The following EPB41 variants were observed in gnomAD, a reference collection of about 807,000 sequenced individuals.
The protein encoded by EPB41 is erythrocyte membrane protein band 4.1.
A neutral mutation model predicts 108.0 loss-of-function variants in EPB41; 65 were observed. The ratio of observed to expected loss-of-function variants is 0.60; its 90% confidence interval spans 0.49 to 0.74. The LOEUF (loss-of-function observed/expected upper bound fraction) is 0.74. Ranked by LOEUF, EPB41 falls within the 30% of genes least tolerant of loss-of-function variation. The pLI is 0.00. For synonymous variants in EPB41, 336 were observed against 358.9 expected, an observed-to-expected ratio of 0.94 and a Z score of 0.72; for missense variants, 875 against 1,037.0, an observed-to-expected ratio of 0.84 and a Z score of 2.15.
intron 1 of EPB41, among the ~76,000 whole-genome samples, chr1:28,953,772 A>G (rs1413765395): frequency 1.3e-5 from 2 of 152,264 alleles, no homozygotes; most frequent in East Asian, 1.9e-4. Context: ...CGTAGTTAAT[A>G]AAGAATGGAT....
chr1:29,103,008 G>C (rs1325819501), intron 17 of EPB41, among the ~76,000 whole-genome samples: 1 of 152,038 alleles, frequency 6.6e-6, no homozygotes, highest in African/African-American at 2.4e-5. Context: ...CCTGACCTCA[G>C]GTGATCCACC....
intron 4 of EPB41, among the ~76,000 whole-genome samples, chr1:29,006,635 A>G (rs1319088579): frequency 2.0e-5 from 3 of 152,016 alleles, no homozygotes; most frequent in Admixed American, 2.0e-4. Context: ...TGTCCCTTCC[A>G]GTCACTACCT....
At position 28,922,940 on chromosome 1, in the gene EPB41, T is replaced by C. The variant is rs551154253; in HGVS notation, c.-8+8172T>C. Among the ~76,000 whole-genome samples, 40 of 151,862 alleles carry C rather than the reference T, an allele frequency of 2.6e-4. 1 individual carries two copies. In the South Asian group the frequency reaches 7.7e-3, roughly 29 times the overall value. Reference sequence around the variant, plus strand: ...TTGTGCCCAGGCTGAGATGATCTTATGATATTGCCCAGCCTGGTCTCAAGA... The same window carrying C: ...TTGTGCCCAGGCTGAGATGATCTTACGATATTGCCCAGCCTGGTCTCAAGA... On this transcript the variant is annotated intron_variant, in intron 1 of 20. Coordinates refer to ENST00000343067, the MANE Select transcript of EPB41 (RefSeq NM_001376013.1).
intron 14 of EPB41, 91 bp from the exon 15 acceptor site, chr1:29,060,331 T>G (rs1646292310): frequency 9.0e-7 from 1 of 1,110,042 alleles, no homozygotes; most frequent in Non-Finnish European, 1.4e-6. Context: ...TTTTTAAATA[T>G]TTTTTGGTTT....
At chr1:28,948,060 A>T (rs2094550499) in intron 1 of EPB41, among the ~76,000 whole-genome samples, 2 of 151,898 alleles carry the variant, frequency 1.3e-5, no homozygotes. Context: ...TTAAGCCTTT[A>T]TACTATTTAT....
intron 16 of EPB41, chr1:29,065,423 G>C: frequency 2.7e-6 from 1 of 373,238 alleles, no homozygotes; most frequent in Non-Finnish European, 4.6e-6. Flanking sequence ...CATGCTTCTG[G>C]CTAATGTATG....
chr1:29,085,709 C>A (rs1013048419), intron 16 of EPB41, among the ~76,000 whole-genome samples: 1 of 152,092 alleles, frequency 6.6e-6, no homozygotes, highest in Non-Finnish European at 1.5e-5. Context: ...CACCACCACA[C>A]CTGGCTAATT....
intron 12 of EPB41, 125 bp downstream of exon 12, chr1:29,053,437 T>C (rs1309993933): frequency 3.9e-6 from 4 of 1,030,940 alleles, no homozygotes; most frequent in African/African-American, 1.6e-5. Context: ...TTCTTCATTC[T>C]TTCTAAATGA....
chr1:29,026,408 G>T (rs1164813494), intron 7 of EPB41, among the ~76,000 whole-genome samples: 1 of 152,106 alleles, frequency 6.6e-6, no homozygotes, highest in African/African-American at 2.4e-5. Context: ...ATGTAAAAAG[G>T]TAGATACATA....
At position 29,017,687 on chromosome 1, in the gene EPB41, A is replaced by G. The variant is rs1188353555; in HGVS notation, c.906-537A>G. Among the ~76,000 whole-genome samples the G allele has an allele frequency of 5.3e-5, 8 of 152,204 alleles. 1 individual carries two copies. Among genetic ancestry groups the G allele is most frequent in the Admixed American group, 5.2e-4 (8 of 15,280 alleles). ...GTCATCTTTGTATATGAAGGACTATATCTGCACACTTGGCATAGCAATGTG... is the reference window on the plus strand; with the variant it reads ...GTCATCTTTGTATATGAAGGACTATGTCTGCACACTTGGCATAGCAATGTG... On this transcript the variant is annotated intron_variant, in intron 6 of 20. Transcript: ENST00000343067.
chr1:29,079,985 A>G (rs959809016), intron 16 of EPB41, among the ~76,000 whole-genome samples: 1 of 152,088 alleles, frequency 6.6e-6, no homozygotes, highest in African/African-American at 2.4e-5. Flanking sequence ...GACAAGAGCA[A>G]AACTCTTATC....
intron 17 of EPB41, among the ~76,000 whole-genome samples, chr1:29,102,896 C>T (rs946301010): frequency 6.6e-6 from 1 of 152,164 alleles, no homozygotes; most frequent in Non-Finnish European, 1.5e-5. Context: ...CCTCAGCCTC[C>T]CAGGTGGCTG....
intron 16 of EPB41, chr1:29,096,555 T>G (rs1351444227): frequency 2.0e-6 from 2 of 985,682 alleles, no homozygotes; most frequent in Admixed American, 1.2e-4. Context: ...GGATCATTTC[T>G]TGACTTTCAT....
chr1:29,046,670 T>G (rs1231456121), intron 11 of EPB41, among the ~76,000 whole-genome samples: 1 of 152,210 alleles, frequency 6.6e-6, no homozygotes, highest in African/African-American at 2.4e-5. Flanking sequence ...TCAAGCTTCC[T>G]TATATGGTAT....
chr1:29,013,855 T>A (rs78040563), intron 5 of EPB41, among the ~76,000 whole-genome samples: 5 of 135,744 alleles, frequency 3.7e-5, no homozygotes, highest in Admixed American at 7.6e-5. Context: ...TTTTTTTTTT[T>A]AATCACACAA....
chr1:28,918,065 A>G (rs1215565922), intron 1 of EPB41, among the ~76,000 whole-genome samples: 1 of 152,192 alleles, frequency 6.6e-6, no homozygotes, highest in Non-Finnish European at 1.5e-5. Flanking sequence ...TCTGAAATCA[A>G]GAGGAGCATA....
chr1:29,061,203 T>G (rs1416800242), intron 15 of EPB41, among the ~76,000 whole-genome samples: 1 of 152,174 alleles, frequency 6.6e-6, no homozygotes, highest in Non-Finnish European at 1.5e-5. Flanking sequence ...TGCTGTCTGC[T>G]ATAGGAGTTG....
chr1:28,977,618 T>A (rs1309453586), intron 1 of EPB41, among the ~76,000 whole-genome samples: 1 of 152,210 alleles, frequency 6.6e-6, no homozygotes, highest in East Asian at 1.9e-4. Flanking sequence ...AGTAAATGGA[T>A]ACCTCCTTTT....
chr1:28,921,921 A>C (rs1177167450), intron 1 of EPB41, among the ~76,000 whole-genome samples: 1 of 117,472 alleles, frequency 8.5e-6, no homozygotes, highest in African/African-American at 3.6e-5. Context: ...TGTAAATAGT[A>C]TTTTATTTAT....
Sources: gnomAD v4.1 joint callset for allele counts (sites outside exome capture counted in the v4.1 genomes callset) on GRCh38, gnomAD v4.1.1 for gene constraint, MANE v1.5 for transcripts, NCBI Gene and HGNC (gene_info 2026-07-23, HGNC 2026-07-21) for gene names.